USP13: variants seen among roughly 807,000 people sequenced by gnomAD.
USP13 encodes ubiquitin specific peptidase 13.
A neutral mutation model predicts 107.8 loss-of-function variants in USP13; 68 were observed. That is an observed-to-expected ratio of 0.63 (90% CI 0.52 to 0.77). USP13 has a LOEUF of 0.77. Among genes scored for constraint, USP13 ranks in the 30% least tolerant of loss-of-function variants. USP13 has a pLI of 0.00. For missense variants in USP13, 945 were observed against 1,093.3 expected, an observed-to-expected ratio of 0.86 and a Z score of 1.91; for synonymous variants, 377 against 389.5, an observed-to-expected ratio of 0.97 and a Z score of 0.38.
chr3:179,664,948 C>A (rs1385220180), intron 1 of USP13, among the ~76,000 whole-genome samples: 1 of 152,036 alleles, frequency 6.6e-6, no homozygotes, highest in African/African-American at 2.4e-5. Context: ...CTTAGCCTGG[C>A]ATGGTGGCAG....
intron 14 of USP13, among the ~76,000 whole-genome samples, chr3:179,752,600 G>A (rs1198947876): frequency 1.3e-5 from 2 of 152,228 alleles, no homozygotes; most frequent in Admixed American, 1.3e-4. Flanking sequence ...AATTCTAAGA[G>A]TGTAAACAGA....
In USP13 at chr3:179,655,555, T is replaced by G. The variant is rs932433065; in HGVS notation, c.168+2162T>G. On this transcript the variant is annotated intron_variant, in intron 1 of 20. Transcript: ENST00000263966. ...GTGCGTGATAATGGGAAGGTTTTTT[T>G]TGTTTTGTTTTGTTTTTTTTTTGAG... Among the ~76,000 whole-genome samples the G allele has an allele frequency of 1.2e-4, 17 of 141,978 alleles. 1 individual carries two copies. The highest frequency in any genetic ancestry group is 4.6e-4 in the East Asian group (2 of 4,390). 93.1% of individuals were successfully genotyped at this position (141,978 alleles called of 152,430 possible).
chr3:179,655,572 T>TTTTGAGTTTTGCTC (rs1720233096), intron 1 of USP13, among the ~76,000 whole-genome samples: 1 of 149,956 alleles, frequency 6.7e-6, no homozygotes. Flanking sequence ...GTTTTGTTTT[T>TTTTGAGTTTTGCTC]TTTTTGAGTT....
At chr3:179,715,367 C>CTTTTT (rs71182513) in intron 6 of USP13, among the ~76,000 whole-genome samples, 2 of 136,308 alleles carry the variant, frequency 1.5e-5, no homozygotes, top group Admixed American at 1.5e-4. Context: ...ATTTTTCTTT[C>CTTTTT]TTTTTTTTTT....
rs193135040 is a variant in USP13, at chr3:179,657,245, C to T, written c.168+3852C>T. ...TAAAAAAGGAGGAAAGGCCGGGGCGCGGTGGCTAACGCCTGTAATCCCACC... is the reference window on the plus strand; with the variant it reads ...TAAAAAAGGAGGAAAGGCCGGGGCGTGGTGGCTAACGCCTGTAATCCCACC... On this transcript the variant is annotated intron_variant, in intron 1 of 20. Transcript: ENST00000263966. 6.6e-5 allele frequency among the ~76,000 whole-genome samples: 10 copies of T among 152,170 alleles called. No individual in the cohort carries two copies. In the East Asian group the frequency reaches 7.7e-4, roughly 12 times the overall value.
chr3:179,753,449 G>T (rs1714680734), intron 14 of USP13, among the ~76,000 whole-genome samples: 1 of 152,138 alleles, frequency 6.6e-6, no homozygotes. Context: ...AAACTTTCTG[G>T]CTCTGAAGGC....
At chr3:179,779,076 G>T (rs1427992190) in intron 19 of USP13, among the ~76,000 whole-genome samples, 3 of 152,022 alleles carry the variant, frequency 2.0e-5, no homozygotes, top group African/African-American at 7.2e-5. Context: ...TTGAGGAGGA[G>T]CCCGGAGGCC....
chr3:179,701,102 A>T lies in USP13; in HGVS notation c.450A>T (p.Leu150=). 2.5e-6 allele frequency: 4 copies of T among 1,613,660 alleles called. No individual in the cohort carries two copies. The highest frequency in any genetic ancestry group is 3.4e-6 in the Non-Finnish European group (4 of 1,179,908). ...VIFPDHYEIA[L]PNIEELPALV... The stretch of plus-strand genomic sequence containing the variant: ...TCCCAGATCACTATGAAATAGCACT[A>T]CCAAATATTGAGGAGTTACCAGCCC... Residue 150 remains leucine (L), a synonymous_variant, in exon 4 of 21, where the codon CTA becomes CTT. Transcript: ENST00000263966.
chr3:179,780,381 G>A (rs1232790242), intron 19 of USP13, among the ~76,000 whole-genome samples: 1 of 152,154 alleles, frequency 6.6e-6, no homozygotes, highest in Non-Finnish European at 1.5e-5. Flanking sequence ...AGTTCAGCAA[G>A]GTTGCAGGAA....
chr3:179,658,112 G>A (rs1445016008), intron 1 of USP13, among the ~76,000 whole-genome samples: 10 of 151,992 alleles, frequency 6.6e-5, no homozygotes, highest in Non-Finnish European at 1.0e-4. Flanking sequence ...CCACCACCAC[G>A]CCTGGCTAAT....
intron 1 of USP13, among the ~76,000 whole-genome samples, chr3:179,659,593 C>T (rs1433647975): frequency 6.6e-6 from 1 of 152,040 alleles, no homozygotes; most frequent in African/African-American, 2.4e-5. Context: ...ATTATTATAC[C>T]TACATGAACT....
At chr3:179,730,791 G>C (rs912977550) in intron 10 of USP13, 82 bp downstream of exon 10, 5 of 1,319,818 alleles carry the variant, frequency 3.8e-6, no homozygotes. Flanking sequence ...TTGGCACATG[G>C]TGGCCATAAA....
intron 13 of USP13, among the ~76,000 whole-genome samples, chr3:179,745,660 A>C (rs1335595882): frequency 1.3e-5 from 2 of 152,110 alleles, no homozygotes; most frequent in African/African-American, 4.8e-5. Context: ...ATTCATGAAG[A>C]AATTACAAAA....
chr3:179,715,577 C>T (rs539188333), intron 6 of USP13, among the ~76,000 whole-genome samples: 14 of 152,012 alleles, frequency 9.2e-5, no homozygotes, highest in Non-Finnish European at 1.8e-4. Flanking sequence ...GTTGGCCAGG[C>T]TGGTCTCGAA....
intron 8 of USP13, among the ~76,000 whole-genome samples, chr3:179,722,125 A>T (rs953981964): frequency 2.6e-5 from 4 of 152,044 alleles, no homozygotes; most frequent in African/African-American, 9.7e-5. Flanking sequence ...GTTTGTTATT[A>T]GTAATGGTTT....
At chr3:179,707,139 T>C in intron 5 of USP13, 63 bp downstream of exon 5, 1 of 1,522,098 alleles carries the variant, frequency 6.6e-7, no homozygotes, top group South Asian at 1.3e-5. Flanking sequence ...ATATTTGTTT[T>C]CTACTTCTTT....
intron 20 of USP13, among the ~76,000 whole-genome samples, chr3:179,782,572 C>T (rs1715784128): frequency 6.6e-6 from 1 of 152,130 alleles, no homozygotes; most frequent in Non-Finnish European, 1.5e-5. Flanking sequence ...GGCACTTCTG[C>T]TTGAGGGCAG....
rs1485574005 is a variant in USP13, at chr3:179,653,422, C to G, written c.168+29C>G. The G allele has an allele frequency of 1.3e-6, 2 of 1,540,962 alleles. No individual in the cohort carries two copies. Among genetic ancestry groups the G allele is most frequent in the East Asian group, 4.9e-5 (2 of 40,608 alleles). ...AGTGAGGCGCCTCGGGGGAGGGTCG[C>G]GGGGCCGGCGGCCTGCGGCACGTGA... On this transcript the variant is annotated intron_variant, in intron 1 of 20. Transcript: ENST00000263966. This position sits in a 1 kb window ranked among gnomAD's most constrained non-coding sequence, Gnocchi z 4.0.
intron 3 of USP13, among the ~76,000 whole-genome samples, chr3:179,698,972 C>T (rs1383408427): frequency 6.6e-6 from 1 of 151,398 alleles, no homozygotes; most frequent in Admixed American, 6.6e-5. Context: ...TGGGTTTAAG[C>T]AATTCCCTGC....
Sources: gnomAD v4.1 joint callset for allele counts (sites outside exome capture counted in the v4.1 genomes callset) on GRCh38, gnomAD v4.1.1 for gene constraint, Gnocchi (gnomAD v3.1) non-coding constraint, MANE v1.5 for transcripts, NCBI Gene and HGNC (gene_info 2026-07-23, HGNC 2026-07-21) for gene names.